PLAAT3: variants seen among roughly 807,000 people sequenced by gnomAD.
PLAAT3 encodes Ca-independent phospholipase A1/2.
Under a neutral mutation model 16.7 loss-of-function variants are expected in PLAAT3, and 21 were observed. That is an observed-to-expected ratio of 1.26 (90% CI 0.89 to 1.81). The LOEUF is 1.81. Ranked by LOEUF, PLAAT3 falls within the 40% of genes most tolerant of loss-of-function variation. The pLI is 0.00. For missense variants in PLAAT3, 219 were observed against 213.7 expected (o/e 1.02, Z -0.16); for synonymous variants, 76 against 81.7 (o/e 0.93, Z 0.38).
rs1938611841 is a variant in PLAAT3 at position 63,608,074 on chromosome 11, C to T, written c.15+5926G>A. Among the ~76,000 whole-genome samples, 4 of 152,058 alleles carry T rather than the reference C, an allele frequency of 2.6e-5. No individual in the cohort carries two copies. The South Asian group carries it at 8.3e-4, about 32-fold the overall frequency. On this transcript the variant is annotated intron_variant, in intron 2 of 4. Coordinates refer to ENST00000415826, the MANE Select transcript of PLAAT3 (RefSeq NM_001128203.2). ...GCACGTGCCTGTAGTCCCAGCTACT[C>T]GGGAGGCTGAGGCAGGAGAATTGCT...
intron 3 of PLAAT3, among the ~76,000 whole-genome samples, chr11:63,596,323 G>A (rs894895015): frequency 8.1e-5 from 12 of 148,292 alleles, no homozygotes; most frequent in Admixed American, 3.4e-4. Flanking sequence ...ACAGAGCTTC[G>A]TCCTCAGATG....
At chr11:63,576,482 C>G (rs2017663006) in intron 4 of PLAAT3, among the ~76,000 whole-genome samples, 1 of 152,066 alleles carries the variant, frequency 6.6e-6, no homozygotes, top group Admixed American at 6.6e-5. Flanking sequence ...TTAGCCAGGC[C>G]TGGTGACACG....
At chr11:63,592,954 C>T (rs1488479550) in intron 3 of PLAAT3, among the ~76,000 whole-genome samples, 1 of 152,178 alleles carries the variant, frequency 6.6e-6, no homozygotes, top group Admixed American at 6.5e-5. Flanking sequence ...CAGGTAGAAG[C>T]ATCTTTTCCT....
chr11:63,574,824 T>G lies in PLAAT3; in HGVS notation c.*121A>C. ...CCTCCCTCGTTTTGCTTTATTTTATTCTGTGAAAATAAGCCTTATTATAAA... is the reference window on the plus strand; with the variant it reads ...CCTCCCTCGTTTTGCTTTATTTTATGCTGTGAAAATAAGCCTTATTATAAA... On this transcript the variant is annotated 3_prime_UTR_variant, in exon 5 of 5. Transcript: ENST00000415826. The G allele has an allele frequency of 1.5e-6, 1 of 668,020 alleles. No individual in the cohort carries two copies. Among genetic ancestry groups the G allele is most frequent in the South Asian group, 1.8e-5 (1 of 56,160 alleles). 41.4% of individuals were successfully genotyped at this position (668,020 alleles called of 1,614,324 possible).
chr11:63,575,425 T>C (rs539823864), intron 4 of PLAAT3, among the ~76,000 whole-genome samples: 3 of 152,344 alleles, frequency 2.0e-5, no homozygotes, highest in Admixed American at 1.3e-4. Flanking sequence ...GGAATTGTTA[T>C]TGAGTAGTCA....
upstream of PLAAT3, among the ~76,000 whole-genome samples, chr11:63,615,172 G>GTATATGTGTGTATATGTGTA (rs1555047908): frequency 2.1e-3 from 38 of 18,304 alleles, 5 homozygotes; most frequent in East Asian, 5.9e-3. Flanking sequence ...ATATATGTGT[G>GTATATGTGTGTATATGTGTA]TATATGTGTG....
At chr11:63,615,365 CATATATATGTGTGT>C (rs1938845076), upstream of PLAAT3, among the ~76,000 whole-genome samples, 6 of 38,526 alleles carry the variant, frequency 1.6e-4, no homozygotes, top group African/African-American at 4.7e-4. Flanking sequence ...TATATGTGTG[CATATATATGTGTGT>C]ATATATATGT....
At chr11:63,601,220 ATT>A (rs955344817) in intron 2 of PLAAT3, among the ~76,000 whole-genome samples, 1 of 150,872 alleles carries the variant, frequency 6.6e-6, no homozygotes, top group Non-Finnish European at 1.5e-5. Flanking sequence ...ACATCCGGCT[ATT>A]TTTTTGTATT....
At chr11:63,575,709 A>C (rs2017650088) in intron 4 of PLAAT3, among the ~76,000 whole-genome samples, 1 of 152,234 alleles carries the variant, frequency 6.6e-6, no homozygotes, top group Non-Finnish European at 1.5e-5. Flanking sequence ...AACTCAACTA[A>C]AAGTAAACTA....
At chr11:63,579,241 A>G (rs1164132782) in intron 4 of PLAAT3, among the ~76,000 whole-genome samples, 27 of 152,178 alleles carry the variant, frequency 1.8e-4, no homozygotes, top group Non-Finnish European at 2.4e-4. Flanking sequence ...TGGAGAGGAT[A>G]TGGAGAAATA....
At chr11:63,608,561 CA>C (rs1938623088) in intron 2 of PLAAT3, 1 of 152,256 alleles carries the variant, frequency 6.6e-6, no homozygotes, top group South Asian at 2.1e-4. Flanking sequence ...AGGATGCTTT[CA>C]GAATACTTTT....
At chr11:63,602,641 A>G (rs1411305600) in intron 2 of PLAAT3, among the ~76,000 whole-genome samples, 1 of 152,028 alleles carries the variant, frequency 6.6e-6, no homozygotes, top group Non-Finnish European at 1.5e-5. Context: ...ATTTTGTGAC[A>G]CATGAAAATT....
chr11:63,578,201 T>C (rs1937678463), intron 4 of PLAAT3, among the ~76,000 whole-genome samples: 1 of 151,800 alleles, frequency 6.6e-6, no homozygotes, highest in African/African-American at 2.4e-5. Flanking sequence ...AAGAATTCCT[T>C]GAACCTGGAA....
At chr11:63,601,898 A>G (rs1217939967) in intron 2 of PLAAT3, among the ~76,000 whole-genome samples, 3 of 148,118 alleles carry the variant, frequency 2.0e-5, no homozygotes, top group Non-Finnish European at 4.4e-5. Flanking sequence ...AATTGCTTGA[A>G]CCCAGGAGGT....
At chr11:63,601,199 C>T (rs567186416) in intron 2 of PLAAT3, among the ~76,000 whole-genome samples, 68 of 151,024 alleles carry the variant, frequency 4.5e-4, no homozygotes, top group African/African-American at 1.3e-3. Context: ...GGACTACAGG[C>T]GCCTGCCACC....
At chr11:63,605,395 T>G (rs1476414067) in intron 2 of PLAAT3, among the ~76,000 whole-genome samples, 1 of 151,908 alleles carries the variant, frequency 6.6e-6, no homozygotes, top group African/African-American at 2.4e-5. Flanking sequence ...CGAGACTGTC[T>G]CAAAAAACAA....
intron 2 of PLAAT3, among the ~76,000 whole-genome samples, chr11:63,604,514 G>A (rs1321849348): frequency 6.6e-6 from 1 of 152,076 alleles, no homozygotes; most frequent in Non-Finnish European, 1.5e-5. Flanking sequence ...TGTAATCCCA[G>A]CACTTTGGGA....
rs201688333 is a variant in PLAAT3, at chr11:63,598,091, C to T, written c.88G>A (p.Asp30Asn). 4.7e-5 allele frequency: 76 copies of T among 1,613,376 alleles called. No individual in the cohort carries two copies. The highest frequency in any genetic ancestry group is 4.0e-5 in the African/African-American group (3 of 74,920). Residue 30 changes from aspartate to asparagine, a missense_variant, in exon 3 of 5, where the codon GAT becomes AAT. Physicochemically the swap from Asp to Asn is conservative, Grantham distance 23. Transcript: ENST00000415826. ...FYRHWAIYVG[D>N]GYVVHLAPPS... Reference sequence around the variant, plus strand: ...GGGGCCAGATGAACCACATATCCATCGCCAACATAGATGGCCCAGTGTCTG... The same window carrying T: ...GGGGCCAGATGAACCACATATCCATTGCCAACATAGATGGCCCAGTGTCTG...
chr11:63,611,119 G>T (rs1026799301), intron 2 of PLAAT3, among the ~76,000 whole-genome samples: 7 of 151,950 alleles, frequency 4.6e-5, no homozygotes. Context: ...ATTGTGTTTT[G>T]TTTTTTTCTG....
Sources: gnomAD v4.1 joint callset for allele counts (sites outside exome capture counted in the v4.1 genomes callset) on GRCh38, gnomAD v4.1.1 for gene constraint, MANE v1.5 for transcripts, NCBI Gene and HGNC (gene_info 2026-07-23, HGNC 2026-07-21) for gene names.